The following NIPBL variants were observed in gnomAD, a reference collection of about 807,000 sequenced individuals.
The protein encoded by NIPBL is nipped-B-like protein.
Under a neutral mutation model 321.8 loss-of-function variants are expected in NIPBL, and 19 were observed. That is an observed-to-expected ratio of 0.06 (90% confidence interval 0.04 to 0.09). NIPBL has a LOEUF of 0.09. Among genes scored for constraint, NIPBL ranks in the 10% least tolerant of loss-of-function variants. The pLI is 1.00. For missense variants in NIPBL, 2,210 were observed against 3,327.0 expected (o/e 0.66, Z 8.26); for synonymous variants, 1,106 against 1,114.1 (o/e 0.99, Z 0.14).
rs544705348 is a variant in NIPBL, at chr5:36,957,765, C to CA, written c.231-339_231-338insA. Among the ~76,000 whole-genome samples the CA allele has an allele frequency of 9.7e-3, 1,476 of 152,146 alleles. 33 individuals carry two copies. Among genetic ancestry groups the CA allele is most frequent in the African/African-American group, 0.034 (1,429 of 41,512 alleles). ...TGGGAGGCCGAGGCGGGCAGACCAT[C>CA]TGAGGTCAGGAGTTAGAGACCAGCC... On this transcript the variant is annotated intron_variant, in intron 3 of 46. Transcript: ENST00000282516.
chr5:37,037,984 CTTTTTTTTTTTTT>C (rs34425779), intron 33 of NIPBL, among the ~76,000 whole-genome samples: 1 of 116,224 alleles, frequency 8.6e-6, no homozygotes, highest in Non-Finnish European at 1.7e-5. Flanking sequence ...TATTCACTTC[CTTTTTTTTTTTTT>C]TTTTTTTTTA....
rs562076946 is a variant in NIPBL, at chr5:37,064,304, A to G, written c.8050-223A>G. On this transcript the variant is annotated intron_variant, in intron 46 of 46. Coordinates refer to ENST00000282516, the MANE Select transcript of NIPBL (RefSeq NM_133433.4). ...TATGTATATATAATTTTATATATCA[A>G]TAAGAGTAAAGACACGGGTACAAAT... 72 of 1,405,298 alleles carry G rather than the reference A, an allele frequency of 5.1e-5. No homozygotes were observed. The African/African-American group carries it at 8.7e-4, about 17-fold the overall frequency. The allele number at this position is 1,405,298 out of a possible 1,614,324, so 87.1% of individuals were successfully genotyped here.
chr5:37,051,524 A>G, intron 40 of NIPBL: 4 of 520,000 alleles, frequency 7.7e-6, no homozygotes, highest in Non-Finnish European at 1.4e-5. Flanking sequence ...CTTTATGTTT[A>G]AAGAACCTAA....
At chr5:36,879,619 T>G (rs1280101795) in intron 1 of NIPBL, among the ~76,000 whole-genome samples, 1 of 152,142 alleles carries the variant, frequency 6.6e-6, no homozygotes, top group African/African-American at 2.4e-5. Context: ...GGTTGGAATA[T>G]TCACTAGTGG....
intron 1 of NIPBL, among the ~76,000 whole-genome samples, chr5:36,937,649 G>A (rs956175555): frequency 1.3e-5 from 2 of 151,996 alleles, no homozygotes; most frequent in East Asian, 1.9e-4. Context: ...GTCATCCAAC[G>A]TCTTTCTGAG....
intron 1 of NIPBL, among the ~76,000 whole-genome samples, chr5:36,949,712 T>C (rs1740061040): frequency 6.6e-6 from 1 of 151,870 alleles, no homozygotes; most frequent in Non-Finnish European, 1.5e-5. Context: ...GGGTGCAAAG[T>C]GGCCCGCCAG....
intron 1 of NIPBL, among the ~76,000 whole-genome samples, chr5:36,888,593 G>A (rs998446280): frequency 6.6e-6 from 1 of 151,968 alleles, no homozygotes; most frequent in African/African-American, 2.4e-5. Flanking sequence ...AAATGCTGTG[G>A]GATATGATAC....
intron 10 of NIPBL, among the ~76,000 whole-genome samples, chr5:36,994,768 G>A (rs1745940554): frequency 6.6e-6 from 1 of 152,170 alleles, no homozygotes; most frequent in South Asian, 2.1e-4. Context: ...CAGGAAGATA[G>A]TCCCAGTTTA....
intron 37 of NIPBL, 113 bp downstream of exon 37, chr5:37,045,710 T>A: frequency 8.9e-7 from 1 of 1,122,496 alleles, no homozygotes; most frequent in Non-Finnish European, 1.3e-6. Context: ...TCTGGTTTAA[T>A]GAAAATTCTG....
intron 10 of NIPBL, among the ~76,000 whole-genome samples, chr5:36,990,218 A>G (rs1400270714): frequency 6.6e-6 from 1 of 152,212 alleles, no homozygotes; most frequent in Non-Finnish European, 1.5e-5. Flanking sequence ...TCACTTGATG[A>G]GCTAATGATT....
chr5:37,045,704 G>A, intron 37 of NIPBL, 107 bp downstream of exon 37: 5 of 1,196,854 alleles, frequency 4.2e-6, no homozygotes, highest in African/African-American at 1.5e-5. Context: ...GAGTAGTCTG[G>A]TTTAATGAAA....
chr5:37,048,797 T>G, intron 39 of NIPBL, 122 bp downstream of exon 39: 1 of 837,032 alleles, frequency 1.2e-6, no homozygotes, highest in Middle Eastern at 3.6e-4. Flanking sequence ...TAAATAGCAG[T>G]CCTTATGCTG....
At chr5:37,013,303 C>T (rs1748445765) in intron 21 of NIPBL, among the ~76,000 whole-genome samples, 2 of 148,126 alleles carry the variant, frequency 1.4e-5, no homozygotes, top group Admixed American at 6.7e-5. Flanking sequence ...GGGGCTGACC[C>T]CCCCACCTCC....
chr5:36,876,936 GC>G lies in NIPBL; in HGVS notation c.-315del. 3 of 383,870 alleles carry G rather than the reference GC, an allele frequency of 7.8e-6. No individual in the cohort carries two copies. Among genetic ancestry groups the G allele is most frequent in the Middle Eastern group, 6.6e-4 (1 of 1,516 alleles). The allele number at this position is 383,870 out of a possible 1,614,324, so 23.8% of individuals were successfully genotyped here. On this transcript the variant is annotated 5_prime_UTR_variant, in exon 1 of 47. It removes the in-frame stop codon of an upstream open reading frame in the 5' UTR. Coordinates refer to ENST00000282516, the MANE Select transcript of NIPBL (RefSeq NM_133433.4). ...AATTGGTTCCCGGGCCCGCGGCGAT[GC>G]CCCCCCGGTAGCTCGGGCCCGTGGT...
chr5:37,041,792 G>A (rs7716555), intron 34 of NIPBL, among the ~76,000 whole-genome samples: 7,541 of 151,012 alleles, frequency 0.05, 653 homozygotes, highest in African/African-American at 0.17. Context: ...CTTGAACTCC[G>A]GGCCTCAAGT....
chr5:37,016,659 TG>T (rs1749034169), intron 23 of NIPBL, among the ~76,000 whole-genome samples: 1 of 152,160 alleles, frequency 6.6e-6, no homozygotes, highest in Non-Finnish European at 1.5e-5. Flanking sequence ...TTTTTGTGAA[TG>T]GGAAAATATG....
rs149629686 is a variant in NIPBL at position 36,985,783 on chromosome 5, G to A, written c.2603G>A (p.Arg868Gln). The change falls in exon 10 of 47, where the codon CGA (arginine) becomes CAA (glutamine). Residue 868 changes from arginine to glutamine, a missense_variant. Physicochemically the swap from Arg to Gln is conservative, Grantham distance 43. This residue lies in a region of NIPBL where 588 missense variants were observed against 564.1 expected (regional missense o/e 1.04). Coordinates refer to ENST00000282516, the MANE Select transcript of NIPBL (RefSeq NM_133433.4). The part of the protein sequence containing the change: ...SDSSKTDKLE[R>Q]KHRHESGDSR... The stretch of plus-strand genomic sequence containing the variant: ...AGTTCAAAAACTGATAAACTAGAAC[G>A]AAAACACAGGCATGAATCAGGGGAC... The A allele has an allele frequency of 1.7e-4, 278 of 1,613,456 alleles. No individual in the cohort carries two copies. The highest frequency in any genetic ancestry group is 3.3e-4 in the Middle Eastern group (2 of 6,084).
At chr5:36,957,983 CAAAA>C (rs141750225) in intron 3 of NIPBL, 117 bp from the exon 4 acceptor site, 1,558 of 749,018 alleles carry the variant, frequency 2.1e-3, no homozygotes, top group Admixed American at 2.6e-3. Context: ...GACTTCGTCT[CAAAA>C]AAAAAAAAAA....
intron 7 of NIPBL, among the ~76,000 whole-genome samples, chr5:36,971,580 T>C (rs976963754): frequency 7.2e-5 from 11 of 152,160 alleles, no homozygotes; most frequent in African/African-American, 2.4e-4. Flanking sequence ...TTGATTTGAT[T>C]GTAATTTATG....
Sources: allele counts gnomAD v4.1 joint callset (sites outside exome capture counted in the v4.1 genomes callset), GRCh38; gene constraint gnomAD v4.1.1; regional missense constraint gnomAD v4.1.1; transcripts MANE v1.5; gene names NCBI Gene and HGNC (gene_info 2026-07-23, HGNC 2026-07-21).